The following ZNF43 variants were observed in gnomAD, a reference collection of about 807,000 sequenced individuals.
ZNF43 encodes the protein zinc finger protein 43.
A neutral mutation model predicts 68.4 loss-of-function variants in ZNF43; 44 were observed. That is an observed-to-expected ratio of 0.64 (90% confidence interval 0.51 to 0.83). The LOEUF (loss-of-function observed/expected upper bound fraction) is 0.83, where lower values mean the gene tolerates loss of function less well. ZNF43 is among the 40% of genes least tolerant of loss of function. The probability of loss-of-function intolerance (pLI) is 0.00; values close to 1 mark genes in which losing one functional copy is unlikely to be tolerated. For missense variants in ZNF43, 896 were observed against 933.2 expected, an observed-to-expected ratio of 0.96 and a Z score of 0.52; for synonymous variants, 308 against 307.8, an observed-to-expected ratio of 1.00 and a Z score of -0.01.
intron 3 of ZNF43, among the ~76,000 whole-genome samples, chr19:21,813,404 A>G (rs897358161): frequency 6.6e-6 from 1 of 152,182 alleles, no homozygotes; most frequent in Non-Finnish European, 1.5e-5. Flanking sequence ...AAAAGCCAAA[A>G]GGCTGAAGAA....
At chr19:21,813,011 G>A (rs868536860) in intron 3 of ZNF43, among the ~76,000 whole-genome samples, 2 of 151,776 alleles carry the variant, frequency 1.3e-5, no homozygotes, top group Non-Finnish European at 2.9e-5. Context: ...AGGAGGCCGA[G>A]GTGGGCAGAT....
At chr19:21,846,248 C>T (rs114275324) in intron 1 of ZNF43, among the ~76,000 whole-genome samples, 3,522 of 152,070 alleles carry the variant, frequency 0.023, 147 homozygotes, top group African/African-American at 0.078. Context: ...CTGGGCCAAG[C>T]GATATCTCAC....
Position 21,808,948 on chromosome 19 carries a change from G to T in ZNF43, c.1089C>A (p.Ile363=). The change falls in exon 4 of 4, where the codon ATC becomes ATA. Residue 363 remains isoleucine, a synonymous_variant. Transcript: ENST00000354959. The stretch of plus-strand genomic sequence containing the variant: ...ATTTATAGAATTTCTCTGCAGTATG[G>T]ATTCTCTTATGTGTAGTAAGGTTTG... ...QFSNLTTHKR[I]HTAEKFYKCT... is the part of the protein sequence containing the mutation. 6.2e-7 allele frequency: 1 copy of T among 1,602,410 alleles called. No homozygotes were observed. The highest frequency in any genetic ancestry group is 8.5e-7 in the Non-Finnish European group (1 of 1,176,286).
At chr19:21,842,787 T>C (rs1183383700) in intron 1 of ZNF43, among the ~76,000 whole-genome samples, 1 of 152,144 alleles carries the variant, frequency 6.6e-6, no homozygotes, top group Non-Finnish European at 1.5e-5. Flanking sequence ...TCATATAATC[T>C]AGTTTATGGG....
At chr19:21,839,452 G>T (rs1482919363), upstream of ZNF43, 1 of 151,490 alleles carries the variant, frequency 6.6e-6, no homozygotes, top group Non-Finnish European at 1.5e-5. Flanking sequence ...TCACATAAGT[G>T]CTTGACTAAG....
chr19:21,826,375 T>C (rs1481283932), intron 1 of ZNF43: 1 of 152,114 alleles, frequency 6.6e-6, no homozygotes, highest in Non-Finnish European at 1.5e-5. Context: ...AACTCCAAAA[T>C]GATAGAACAG....
intron 1 of ZNF43, chr19:21,843,451 T>C (rs1351954321): frequency 2.5e-5 from 23 of 902,764 alleles, no homozygotes; most frequent in Non-Finnish European, 2.6e-5. Flanking sequence ...GATGAATCCA[T>C]GCATAACAAC....
chr19:21,840,656 T>C (rs1281858317), upstream of ZNF43: 1 of 152,232 alleles, frequency 6.6e-6, no homozygotes, highest in Non-Finnish European at 1.5e-5. Context: ...GCTGTGTTCA[T>C]GTGGAAAGTT....
At chr19:21,814,929 T>C (rs2037447364) in intron 3 of ZNF43, among the ~76,000 whole-genome samples, 1 of 151,972 alleles carries the variant, frequency 6.6e-6, no homozygotes. Context: ...GGCTCATGCC[T>C]GTAATCCCAG....
chr19:21,823,571 CTTTT>C (rs10605024), intron 1 of ZNF43, among the ~76,000 whole-genome samples: 2 of 83,512 alleles, frequency 2.4e-5, no homozygotes, highest in African/African-American at 5.8e-5. Flanking sequence ...AGAATCAGGC[CTTTT>C]TTTTTTTTTT....
chr19:21,835,867 G>A (rs1359148768), intron 1 of ZNF43, among the ~76,000 whole-genome samples, 169 bp downstream of exon 1: 1 of 152,206 alleles, frequency 6.6e-6, no homozygotes, highest in African/African-American at 2.4e-5. Context: ...AGAAGAGACA[G>A]GACGCCCGGG....
At chr19:21,832,768 G>A (rs948236890) in intron 1 of ZNF43, among the ~76,000 whole-genome samples, 1 of 151,874 alleles carries the variant, frequency 6.6e-6, no homozygotes, top group Non-Finnish European at 1.5e-5. Context: ...AGGAGGCTGA[G>A]GGAGAAGAAT....
At chr19:21,851,929 G>C (rs975372689) in exon 1 of ZNF43, 6 of 1,575,962 alleles carry the variant, frequency 3.8e-6, no homozygotes, top group South Asian at 1.1e-5. Context: ...CAGGATGTCC[G>C]GGCATCTTAG....
chr19:21,822,572 G>A (rs1285769634), intron 1 of ZNF43, among the ~76,000 whole-genome samples: 2 of 152,138 alleles, frequency 1.3e-5, no homozygotes, highest in Non-Finnish European at 2.9e-5. Flanking sequence ...TTGGGAGGCC[G>A]AGGCGGGTGG....
intron 1 of ZNF43, among the ~76,000 whole-genome samples, chr19:21,820,174 G>A: frequency 1.6e-5 from 1 of 62,578 alleles, no homozygotes; most frequent in African/African-American, 1.5e-4. Context: ...ATTCCAGCCT[G>A]GGTCAAAGAG....
chr19:21,809,169 C>T lies in ZNF43; in HGVS notation c.868G>A (p.Glu290Lys). 6.2e-7 allele frequency: 1 copy of T among 1,613,292 alleles called. No homozygotes were observed. The highest frequency in any genetic ancestry group is 8.5e-7 in the Non-Finnish European group (1 of 1,179,736). Reference sequence around the variant, plus strand: ...GATTGGTTAAAAGCTTTGGCACATTCTTTACATTTGTAGAATTTCTCTCCA... The same window carrying T: ...GATTGGTTAAAAGCTTTGGCACATTTTTTACATTTGTAGAATTTCTCTCCA... ...RTGEKFYKCK[E>K]CAKAFNQSSN... Residue 290 changes from glutamate to lysine, a missense_variant, in exon 4 of 4, where the codon GAA becomes AAA. By Grantham distance (56) the Glu-to-Lys change is moderately conservative. Coordinates refer to ENST00000354959, the MANE Select transcript of ZNF43 (RefSeq NM_003423.4).
intron 1 of ZNF43, among the ~76,000 whole-genome samples, chr19:21,848,051 C>G (rs1023536588): frequency 6.6e-6 from 1 of 151,966 alleles, no homozygotes; most frequent in Non-Finnish European, 1.5e-5. Context: ...AACTCCTGAC[C>G]TCAGGTGATG....
intron 1 of ZNF43, among the ~76,000 whole-genome samples, chr19:21,821,545 A>G (rs2037845470): frequency 6.6e-6 from 1 of 152,162 alleles, no homozygotes. Context: ...CTGAAACTCA[A>G]CATTACATGT....
At chr19:21,844,119 G>A (rs1228819917) in intron 1 of ZNF43, among the ~76,000 whole-genome samples, 7 of 151,766 alleles carry the variant, frequency 4.6e-5, no homozygotes, top group East Asian at 1.9e-4. Context: ...TCGTACCTGC[G>A]GCCCTAGGCC....
Sources: gnomAD v4.1 joint callset for allele counts (sites outside exome capture counted in the v4.1 genomes callset) on GRCh38, gnomAD v4.1.1 for gene constraint, MANE v1.5 for transcripts, NCBI Gene and HGNC (gene_info 2026-07-23, HGNC 2026-07-21) for gene names.